The following INTS9 variants were observed in gnomAD, a reference collection of about 807,000 sequenced individuals.
The protein encoded by INTS9 is integrator complex subunit 9, also known as protein related to CPSF subunits of 74 kDa.
Under a neutral mutation model 79.7 loss-of-function variants are expected in INTS9, and 55 were observed. The observed-to-expected ratio is 0.69, with a 90% CI of 0.56 to 0.86. The LOEUF is 0.86. INTS9 is among the 40% of genes least tolerant of loss of function. INTS9 has a pLI of 0.00. For missense variants in INTS9, 721 were observed against 831.5 expected (o/e 0.87, Z 1.64); for synonymous variants, 319 against 325.2 (o/e 0.98, Z 0.20).
chr8:28,880,847 T>C (rs1469121294), intron 1 of INTS9, among the ~76,000 whole-genome samples: 1 of 146,330 alleles, frequency 6.8e-6, no homozygotes, highest in Non-Finnish European at 1.5e-5. Flanking sequence ...ATCTAGGAAG[T>C]GAGGAGCGTC....
intron 4 of INTS9, among the ~76,000 whole-genome samples, chr8:28,842,494 G>C (rs1450424340): frequency 1.3e-5 from 2 of 152,190 alleles, no homozygotes; most frequent in African/African-American, 4.8e-5. Context: ...CTGCCAGACT[G>C]TCTAATGTCA....
intron 1 of INTS9, among the ~76,000 whole-genome samples, chr8:28,872,943 G>A (rs976505897): frequency 3.3e-5 from 5 of 151,790 alleles, no homozygotes; most frequent in Non-Finnish European, 7.4e-5. Flanking sequence ...ATACCATAAT[G>A]ACTGATTATT....
rs898092080 is a variant in INTS9 at position 28,768,231 on chromosome 8, T to C, written c.1892A>G (p.Asp631Gly). ...ATTGTCGCAGATGATATGGGTCGAG[T>C]CTTCTTCAATCTGGATGAGCGTCTC... ...EAETLIQIEE[D>G]STHIICDNDE... Residue 631 changes from aspartate to glycine, a missense_variant, in exon 17 of 17, where the codon GAC becomes GGC. Coordinates refer to ENST00000521022, the MANE Select transcript of INTS9 (RefSeq NM_018250.4). 5.0e-6 allele frequency: 8 copies of C among 1,613,928 alleles called. No individual in the cohort carries two copies. Among genetic ancestry groups the C allele is most frequent in the Non-Finnish European group, 6.8e-6 (8 of 1,180,042 alleles).
Position 28,775,801 on chromosome 8 carries a change from C to G in INTS9, c.1521G>C (p.Leu507=), listed in dbSNP as rs200675183. The change falls in exon 14 of 17, where the codon CTG becomes CTC. Residue 507 remains leucine (L), a synonymous_variant. Transcript: ENST00000521022. ...MSYRRAEVLA[L]PFKRRYEKIE... ...TCTTCTCGTACCGACGTTTGAAGGG[C>G]AGGGCGAGAACCTCAGCCCGCCGAT... The G allele has an allele frequency of 1.0e-4, 163 of 1,613,928 alleles. 2 individuals are homozygous for G. The Middle Eastern group carries it at 2.6e-3, about 26-fold the overall frequency.
intron 11 of INTS9, among the ~76,000 whole-genome samples, chr8:28,783,129 T>G (rs1354651839): frequency 7.9e-6 from 1 of 125,888 alleles, no homozygotes. Context: ...TGGGCGACAG[T>G]GAGACTCCGT....
chr8:28,780,883 C>A lies in INTS9; in HGVS notation c.1210G>T (p.Asp404Tyr), dbSNP rs759725411. 3 of 1,614,038 alleles carry A rather than the reference C, an allele frequency of 1.9e-6. No homozygotes were observed. The highest frequency in any genetic ancestry group is 2.7e-5 in the African/African-American group (2 of 74,920). ...FTGHPSLRFG[D>Y]VVHFMELWGK... is the part of the protein sequence containing the mutation. ...CAGAGCTCCATGAAGTGGACCACGT[C>A]CCCGAAGCGGAGGGAAGGGTGCCCG... The change falls in exon 12 of 17, where the codon GAC (aspartate) becomes TAC (tyrosine). Residue 404 changes from aspartate (D) to tyrosine (Y), a missense_variant. Transcript: ENST00000521022.
chr8:28,837,504 C>A, intron 5 of INTS9, 133 bp downstream of exon 5: 54 of 870,362 alleles, frequency 6.2e-5, no homozygotes, highest in East Asian at 1.2e-4. Context: ...GAGTCGCTTA[C>A]TCCTGCCTGT....
rs756663221 is a variant in INTS9 at position 28,889,885 on chromosome 8, T to A, written c.-3A>T. Reference sequence around the variant, plus strand: ...GAGCGAAGACTCACCAGTTTCATAATGGACTTTTGGTGGTTCAATAGCAGT... The same window carrying A: ...GAGCGAAGACTCACCAGTTTCATAAAGGACTTTTGGTGGTTCAATAGCAGT... On this transcript the variant is annotated 5_prime_UTR_variant, in exon 1 of 17. Transcript: ENST00000521022. The A allele has an allele frequency of 3.1e-6, 5 of 1,613,768 alleles. No individual in the cohort carries two copies. Among genetic ancestry groups the A allele is most frequent in the Non-Finnish European group, 3.4e-6 (4 of 1,179,746 alleles).
intron 1 of INTS9, among the ~76,000 whole-genome samples, chr8:28,880,966 G>A (rs1212175388): frequency 6.6e-6 from 1 of 150,616 alleles, no homozygotes; most frequent in Non-Finnish European, 1.5e-5. Context: ...TGGGAGGTGA[G>A]GAGCGTCTCT....
At chr8:28,883,256 T>A (rs1427600877) in intron 1 of INTS9, among the ~76,000 whole-genome samples, 1 of 152,234 alleles carries the variant, frequency 6.6e-6, no homozygotes, top group Non-Finnish European at 1.5e-5. Flanking sequence ...ACACCATAGA[T>A]CTTTTACAAG....
intron 6 of INTS9, 26 bp downstream of exon 6, chr8:28,835,266 C>T (rs28522383): frequency 0.6 from 936,142 of 1,551,058 alleles, 292,305 homozygotes; most frequent in Non-Finnish European, 0.65. Flanking sequence ...TACAGTCTCT[C>T]GGTAAGAGAG....
chr8:28,817,351 C>A (rs1435223362), intron 6 of INTS9, among the ~76,000 whole-genome samples: 1 of 152,166 alleles, frequency 6.6e-6, no homozygotes, highest in Non-Finnish European at 1.5e-5. Flanking sequence ...AGGAAGGGAT[C>A]CAGTTTCAGC....
At chr8:28,835,461 TG>T in intron 5 of INTS9, 83 bp from the exon 6 acceptor site, 1 of 911,400 alleles carries the variant, frequency 1.1e-6, no homozygotes, top group Non-Finnish European at 1.7e-6. Flanking sequence ...CCAGGAGAAA[TG>T]ACTTGCCCAC....
chr8:28,875,266 C>T (rs576149145), intron 1 of INTS9, among the ~76,000 whole-genome samples: 2 of 151,996 alleles, frequency 1.3e-5, no homozygotes, highest in African/African-American at 4.8e-5. Context: ...TTTTTGTACA[C>T]ACTGCTACAG....
intron 9 of INTS9, among the ~76,000 whole-genome samples, chr8:28,795,533 G>A (rs998920805): frequency 1.3e-5 from 2 of 150,740 alleles, no homozygotes; most frequent in African/African-American, 2.4e-5. Context: ...CCAGCTACTC[G>A]GGAGGCTGAA....
intron 10 of INTS9, 59 bp from the exon 11 acceptor site, chr8:28,787,948 C>G (rs1358128866): frequency 1.7e-6 from 2 of 1,192,824 alleles, no homozygotes; most frequent in Admixed American, 1.8e-5. Flanking sequence ...GCATCTGTTG[C>G]CACCTAGTGG....
chr8:28,840,734 C>A (rs13273314), intron 4 of INTS9, among the ~76,000 whole-genome samples: 4 of 138,528 alleles, frequency 2.9e-5, no homozygotes, highest in Non-Finnish European at 4.7e-5. Context: ...TAGGTGGGAA[C>A]TGAACAATGA....
At chr8:28,773,861 C>A (rs1802716657) in intron 14 of INTS9, among the ~76,000 whole-genome samples, 1 of 152,084 alleles carries the variant, frequency 6.6e-6, no homozygotes, top group East Asian at 1.9e-4. Context: ...CTCGCTCTGT[C>A]ATCCACGTAG....
intron 4 of INTS9, among the ~76,000 whole-genome samples, chr8:28,843,967 G>A (rs560045803): frequency 1.3e-5 from 2 of 152,208 alleles, no homozygotes; most frequent in East Asian, 1.9e-4. Flanking sequence ...CATGAAGCAC[G>A]ACGCAAGATC....
Sources: gnomAD v4.1 joint callset for allele counts (sites outside exome capture counted in the v4.1 genomes callset) on GRCh38, gnomAD v4.1.1 for gene constraint, MANE v1.5 for transcripts, NCBI Gene and HGNC (gene_info 2026-07-23, HGNC 2026-07-21) for gene names.